Variants in PLEKHG1 observed in about 807,000 individuals in gnomAD.
PLEKHG1 encodes the protein pleckstrin homology domain-containing family G member 1.
In PLEKHG1, 44 loss-of-function variants were observed where a neutral mutation model predicts 100.8. That is an observed-to-expected ratio of 0.44 (90% CI 0.34 to 0.56). The LOEUF is 0.56. Ranked by LOEUF, PLEKHG1 falls within the 20% of genes least tolerant of loss-of-function variation. The pLI is 0.01. For synonymous variants in PLEKHG1, 640 were observed against 662.5 expected, an observed-to-expected ratio of 0.97 and a Z score of 0.52; for missense variants, 1,545 against 1,720.9, an observed-to-expected ratio of 0.90 and a Z score of 1.81.
At chr6:150,696,539 GTC>G (rs111359990) in intron 3 of PLEKHG1, among the ~76,000 whole-genome samples, 1,690 of 152,144 alleles carry the variant, frequency 0.011, 31 homozygotes, top group African/African-American at 0.038. Context: ...GGTTCTGGTG[GTC>G]TGTTCTTCTT....
chr6:150,827,382 G>T (rs150914732), intron 14 of PLEKHG1, among the ~76,000 whole-genome samples: 3 of 151,440 alleles, frequency 2.0e-5, no homozygotes, highest in Non-Finnish European at 1.5e-5. Flanking sequence ...GGTTCAAGCG[G>T]TTCTCCTGCC....
chr6:150,759,096 C>T (rs1784011218), intron 2 of PLEKHG1, among the ~76,000 whole-genome samples: 1 of 152,102 alleles, frequency 6.6e-6, no homozygotes, highest in African/African-American at 2.4e-5. Flanking sequence ...AAGTGGCCCA[C>T]CGTGTGGTGG....
At chr6:150,828,135 T>C (rs1776717149) in intron 14 of PLEKHG1, 2 of 1,613,564 alleles carry the variant, frequency 1.2e-6, no homozygotes, top group African/African-American at 2.7e-5. Context: ...CATACCCAAT[T>C]ATACTGATAG....
intron 2 of PLEKHG1, among the ~76,000 whole-genome samples, chr6:150,646,241 T>C (rs1252546016): frequency 6.6e-6 from 1 of 152,090 alleles, no homozygotes; most frequent in Non-Finnish European, 1.5e-5. Context: ...CTGCAGCAGC[T>C]CTCCCCTCTC....
chr6:150,734,711 G>A (rs1782473245), intron 2 of PLEKHG1, among the ~76,000 whole-genome samples: 2 of 152,152 alleles, frequency 1.3e-5, no homozygotes, highest in South Asian at 4.1e-4. Flanking sequence ...GCTTTGTCTT[G>A]TCTCGTGTCT....
At chr6:150,697,981 A>T (rs1780616336) in intron 3 of PLEKHG1, among the ~76,000 whole-genome samples, 1 of 151,508 alleles carries the variant, frequency 6.6e-6, no homozygotes, top group South Asian at 2.1e-4. Context: ...AATGTTATGG[A>T]TAAAGACCAA....
chr6:150,613,405 GATA>G (rs1776933509), intron 1 of PLEKHG1, among the ~76,000 whole-genome samples: 1 of 111,134 alleles, frequency 9.0e-6, no homozygotes, highest in Non-Finnish European at 2.0e-5. Context: ...GTGTGGCTAT[GATA>G]TTTCCAGTGC....
chr6:150,634,423 A>G (rs1777905748), intron 1 of PLEKHG1, among the ~76,000 whole-genome samples: 1 of 152,170 alleles, frequency 6.6e-6, no homozygotes, highest in Non-Finnish European at 1.5e-5. Flanking sequence ...GAGAAAAAGG[A>G]TGGGAAGCTC....
chr6:150,760,335 A>T (rs1234301749), intron 2 of PLEKHG1, among the ~76,000 whole-genome samples: 1 of 152,176 alleles, frequency 6.6e-6, no homozygotes, highest in Non-Finnish European at 1.5e-5. Flanking sequence ...TGGGACCTGG[A>T]GAGTAAAAAG....
At chr6:150,750,770 G>A (rs1783466911) in intron 2 of PLEKHG1, among the ~76,000 whole-genome samples, 2 of 87,434 alleles carry the variant, frequency 2.3e-5, no homozygotes, top group Non-Finnish European at 3.7e-5. Context: ...GACAGAGCGA[G>A]ACTCCATCTC....
At chr6:150,646,317 G>A (rs898384959) in intron 2 of PLEKHG1, among the ~76,000 whole-genome samples, 4 of 151,946 alleles carry the variant, frequency 2.6e-5, no homozygotes, top group Admixed American at 6.6e-5. Context: ...ATTAGGTCTC[G>A]GTGGCCCTGA....
exon 16 of PLEKHG1, chr6:150,843,150 A>ATTG (rs1388333950): frequency 6.6e-6 from 1 of 152,100 alleles, no homozygotes; most frequent in African/African-American, 2.4e-5. Flanking sequence ...AGTTCATATT[A>ATTG]TTGTTCTGTC....
chr6:150,760,750 TTCA>T (rs1784110794), intron 2 of PLEKHG1, among the ~76,000 whole-genome samples: 1 of 151,980 alleles, frequency 6.6e-6, no homozygotes, highest in African/African-American at 2.4e-5. Flanking sequence ...GCAACAGGAC[TTCA>T]TCATGGCCAA....
rs368799766 is a variant in PLEKHG1, at chr6:150,809,095, C to T, written c.913-10C>T. 2 of 1,608,988 alleles carry T rather than the reference C, an allele frequency of 1.2e-6. No individual in the cohort carries two copies. Among genetic ancestry groups the T allele is most frequent in the African/African-American group, 2.7e-5 (2 of 74,840 alleles). ...CTCCTGTAAATGCCATGGCCCATTC[C>T]CTTTCTCAGGAGATACAGAGTTTGC... On this transcript the variant is annotated splice_polypyrimidine_tract_variant and intron_variant, in intron 7 of 15. Transcript: ENST00000358517.
intron 7 of PLEKHG1, 29 bp from the exon 9 acceptor site, chr6:150,809,076 T>C (rs1403436840): frequency 1.3e-6 from 2 of 1,592,468 alleles, no homozygotes; most frequent in African/African-American, 2.7e-5. Context: ...CTGCCTCCTG[T>C]AAATGCCATG....
In PLEKHG1 at chr6:150,735,747, C is replaced by CT. The variant is rs148308640; in HGVS notation, c.411+1663dup. ...TTATTAAAGCTTTCTTTGGGCTATG[C>CT]TTTTTTTTCCTTTCTTTCTTGGAAA... On this transcript the variant is annotated intron_variant, in intron 2 of 15. Transcript: ENST00000358517. Among the ~76,000 whole-genome samples the CT allele has an allele frequency of 8.4e-3, 1,277 of 152,052 alleles. 26 individuals are homozygous for CT. The highest frequency in any genetic ancestry group is 0.041 in the South Asian group (198 of 4,814).
chr6:150,702,212 C>G (rs1028885884), intron 3 of PLEKHG1, among the ~76,000 whole-genome samples: 3 of 152,254 alleles, frequency 2.0e-5, no homozygotes, highest in Admixed American at 6.5e-5. Context: ...TGGCTCATGC[C>G]TATAATCCCA....
chr6:150,792,951 C>T (rs926833837), intron 4 of PLEKHG1, among the ~76,000 whole-genome samples: 1 of 151,878 alleles, frequency 6.6e-6, no homozygotes, highest in African/African-American at 2.4e-5. Flanking sequence ...TCCTACTAGC[C>T]AAAAATGGGA....
At chr6:150,714,555 GAAT>G (rs767933737) in intron 3 of PLEKHG1, among the ~76,000 whole-genome samples, 1 of 152,298 alleles carries the variant, frequency 6.6e-6, no homozygotes, top group East Asian at 1.9e-4. Flanking sequence ...ACAGTGTGGT[GAAT>G]AATAGGCTTT....
Sources: gnomAD v4.1 joint callset for allele counts (sites outside exome capture counted in the v4.1 genomes callset) on GRCh38, gnomAD v4.1.1 for gene constraint, MANE v1.5 for transcripts, NCBI Gene and HGNC (gene_info 2026-07-23, HGNC 2026-07-21) for gene names.